SIN3B: variants seen among roughly 807,000 people sequenced by gnomAD.
SIN3B encodes the protein SIN3 transcription regulator family member B, also known as paired amphipathic helix protein Sin3b.
Under a neutral mutation model 120.2 loss-of-function variants are expected in SIN3B, and 19 were observed. That is an observed-to-expected ratio of 0.16 (90% CI 0.11 to 0.23). SIN3B has a LOEUF of 0.23. Among genes scored for constraint, SIN3B ranks in the 10% least tolerant of loss-of-function variants. The pLI, the probability that SIN3B is intolerant of heterozygous loss-of-function variation, is 1.00. For missense variants in SIN3B, 1,073 were observed against 1,573.0 expected, an observed-to-expected ratio of 0.68 and a Z score of 5.38; for synonymous variants, 654 against 653.2, an observed-to-expected ratio of 1.00 and a Z score of -0.02.
chr19:16,874,388 T>TTGGTC (rs1359186174), intron 14 of SIN3B, among the ~76,000 whole-genome samples: 1 of 147,118 alleles, frequency 6.8e-6, no homozygotes, highest in Non-Finnish European at 1.5e-5. Context: ...TTGGTCTGGT[T>TTGGTC]TGGTCTGGTC....
intron 17 of SIN3B, 49 bp downstream of exon 17, chr19:16,877,688 G>A: frequency 7.5e-7 from 1 of 1,339,996 alleles, no homozygotes; most frequent in Non-Finnish European, 1.1e-6. Flanking sequence ...CTGGGCCCAG[G>A]GAGTGTCCCC....
At chr19:16,847,918 C>A (rs1046030794) in intron 5 of SIN3B, among the ~76,000 whole-genome samples, 5 of 152,208 alleles carry the variant, frequency 3.3e-5, no homozygotes, top group African/African-American at 1.2e-4. Context: ...TTCACCTCCC[C>A]CAGCTCCTGG....
At chr19:16,875,505 CTGGTCTGGTCTGTT>C (rs2051584837) in intron 14 of SIN3B, among the ~76,000 whole-genome samples, 1 of 130,116 alleles carries the variant, frequency 7.7e-6, no homozygotes, top group Non-Finnish European at 1.6e-5. Flanking sequence ...CTGGTTTGGT[CTGGTCTGGTCTGTT>C]TGGTCTGGTC....
chr19:16,877,535 C>T lies in SIN3B; in HGVS notation c.2860-10C>T. On this transcript the variant is annotated splice_polypyrimidine_tract_variant and intron_variant, in intron 16 of 18. Transcript: ENST00000248054. The stretch of plus-strand genomic sequence containing the variant: ...GGGGCATCACGGGCTGTGTCTCTCC[C>T]TGTCCCCAGCACCTGGCTCGGTACG... The T allele has an allele frequency of 6.3e-7, 1 of 1,596,192 alleles. No individual in the cohort carries two copies. The highest frequency in any genetic ancestry group is 8.5e-7 in the Non-Finnish European group (1 of 1,170,712).
intron 8 of SIN3B, among the ~76,000 whole-genome samples, chr19:16,859,359 G>A (rs2144605328): frequency 6.6e-6 from 1 of 152,220 alleles, no homozygotes; most frequent in African/African-American, 2.4e-5. Flanking sequence ...TCTTGGAAGT[G>A]TTTCAGCATC....
chr19:16,865,701 C>T, intron 11 of SIN3B, 53 bp downstream of exon 11: 3 of 1,050,542 alleles, frequency 2.9e-6, no homozygotes, highest in Non-Finnish European at 4.2e-6. Flanking sequence ...CCTTCCCTCC[C>T]CTCCCCTCCC....
intron 8 of SIN3B, chr19:16,855,508 G>A (rs896288082): frequency 4.0e-5 from 6 of 151,876 alleles, no homozygotes; most frequent in Non-Finnish European, 8.8e-5. Context: ...ATTGCCTGAG[G>A]TCAGGAGTTG....
chr19:16,876,635 G>C lies in SIN3B; in HGVS notation c.2859+57G>C. On this transcript the variant is annotated intron_variant, in intron 16 of 18. Coordinates refer to ENST00000248054, the MANE Select transcript of SIN3B (RefSeq NM_001297595.2). The surrounding 1 kb of genome is among the most constrained non-coding windows in gnomAD (Gnocchi z 7.1). ...TACCAGGGAGCGCCTGAGGGCAGCA[G>C]CATGGGGCTCCCACCAGCCAAGCGC... 1 of 1,388,712 alleles carries C rather than the reference G, an allele frequency of 7.2e-7. No individual in the cohort carries two copies. 86.0% of individuals were successfully genotyped at this position (1,388,712 alleles called of 1,614,324 possible). A position where few individuals can be genotyped will look rare whatever the true frequency, so the allele number is the denominator to read the frequency against.
chr19:16,868,868 C>T (rs902100281), intron 12 of SIN3B, among the ~76,000 whole-genome samples: 5 of 152,030 alleles, frequency 3.3e-5, no homozygotes, highest in African/African-American at 4.8e-5. Flanking sequence ...GGGACAGCAG[C>T]GGAGGCGGGG....
At chr19:16,874,054 TGA>T (rs940927362) in intron 14 of SIN3B, among the ~76,000 whole-genome samples, 1 of 151,940 alleles carries the variant, frequency 6.6e-6, no homozygotes, top group African/African-American at 2.4e-5. Context: ...TGCAGGCGGG[TGA>T]TTCACACAGC....
At chr19:16,852,169 C>G (rs944242182) in intron 6 of SIN3B, among the ~76,000 whole-genome samples, 4 of 152,156 alleles carry the variant, frequency 2.6e-5, no homozygotes, top group African/African-American at 9.7e-5. Context: ...CTCTGTCACC[C>G]AGGCTGGAGT....
chr19:16,840,256 C>T (rs530969159), intron 3 of SIN3B, among the ~76,000 whole-genome samples: 4 of 152,172 alleles, frequency 2.6e-5, no homozygotes, highest in Middle Eastern at 3.4e-3. Flanking sequence ...TTAACTGAGG[C>T]CGTTAGGGTA....
Position 16,876,649 on chromosome 19 carries a change from C to A in SIN3B, c.2859+71C>A, listed in dbSNP as rs2051612709. The A allele has an allele frequency of 2.4e-6, 3 of 1,258,316 alleles. No homozygotes were observed. The highest frequency in any genetic ancestry group is 3.4e-6 in the Non-Finnish European group (3 of 873,070). The allele number at this position is 1,258,316 out of a possible 1,614,324, so 77.9% of individuals were successfully genotyped here. A position where few individuals can be genotyped will look rare whatever the true frequency, so the allele number is the denominator to read the frequency against. ...TGAGGGCAGCAGCATGGGGCTCCCACCAGCCAAGCGCAGGCCGCGCAGCAT... is the reference window on the plus strand; with the variant it reads ...TGAGGGCAGCAGCATGGGGCTCCCAACAGCCAAGCGCAGGCCGCGCAGCAT... On this transcript the variant is annotated intron_variant, in intron 16 of 18. Coordinates refer to ENST00000248054, the MANE Select transcript of SIN3B (RefSeq NM_001297595.2). This position sits in a 1 kb window ranked among gnomAD's most constrained non-coding sequence, Gnocchi z 7.1.
chr19:16,875,158 GGGTCTGGTCTGGTCTGGTCTGTTTGGTCT>G (rs1349088890), intron 14 of SIN3B, among the ~76,000 whole-genome samples: 84 of 139,654 alleles, frequency 6.0e-4, no homozygotes, highest in African/African-American at 2.2e-3. Context: ...GGTCTGGTTT[GGGTCTGGTCTGGTCTGGTCTGTTTGGTCT>G]GGTCTGGTCT....
chr19:16,854,420 G>A, intron 8 of SIN3B, 159 bp downstream of exon 8: 1 of 589,420 alleles, frequency 1.7e-6, no homozygotes, highest in Non-Finnish European at 3.0e-6. Context: ...CCATGCATTT[G>A]TAAGGAGCAA....
At chr19:16,857,865 C>CTCTTTTCTTTTCTTT (rs555825911) in intron 8 of SIN3B, among the ~76,000 whole-genome samples, 1 of 152,014 alleles carries the variant, frequency 6.6e-6, no homozygotes, top group African/African-American at 2.4e-5. Context: ...CTTTTCTCTT[C>CTCTTTTCTTTTCTTT]TCTTTTCTTT....
rs564191468 is a variant in SIN3B, at chr19:16,842,862, C to T, written c.582+894C>T. 3.3e-5 allele frequency among the ~76,000 whole-genome samples: 5 copies of T among 152,284 alleles called. No homozygotes were observed. In the East Asian group the frequency reaches 5.8e-4, roughly 18 times the overall value. ...TCAGGTTGAATCTTGACATATCAGTCGGAACCAGTAGGCAGGTTAGCCTGG... is the reference window on the plus strand; with the variant it reads ...TCAGGTTGAATCTTGACATATCAGTTGGAACCAGTAGGCAGGTTAGCCTGG... On this transcript the variant is annotated intron_variant, in intron 4 of 18. Transcript: ENST00000248054.
intron 4 of SIN3B, among the ~76,000 whole-genome samples, chr19:16,842,728 CAG>C (rs1568414348): frequency 1.3e-5 from 2 of 152,138 alleles, no homozygotes; most frequent in Admixed American, 1.3e-4. Flanking sequence ...GGAAGAAACT[CAG>C]AGGTGGATTG....
At position 16,876,081 on chromosome 19, in the gene SIN3B, C is replaced by T. The variant is rs972179346; in HGVS notation, c.2619C>T (p.Val873=). The T allele has an allele frequency of 6.3e-7, 1 of 1,578,934 alleles. No individual in the cohort carries two copies. Among genetic ancestry groups the T allele is most frequent in the African/African-American group, 1.3e-5 (1 of 74,534 alleles). The change falls in exon 15 of 19, where the codon GTC becomes GTT. Residue 873 remains valine (V), a synonymous_variant. Coordinates refer to ENST00000248054, the MANE Select transcript of SIN3B (RefSeq NM_001297595.2). This position sits in a 1 kb window ranked among gnomAD's most constrained non-coding sequence, Gnocchi z 7.1. ...RQLHHLVSDD[V]CLKVVELYLN... ...TGCACCACCTCGTGAGCGATGACGT[C>T]TGCCTGAAGGTGGTGGAGCTCTACC...
Sources: allele counts gnomAD v4.1 joint callset (sites outside exome capture counted in the v4.1 genomes callset), GRCh38; gene constraint gnomAD v4.1.1; non-coding constraint Gnocchi (gnomAD v3.1); transcripts MANE v1.5; gene names NCBI Gene and HGNC (gene_info 2026-07-23, HGNC 2026-07-21).